Variants in TG observed in about 807,000 individuals in gnomAD.
The protein encoded by TG is thyroid hormones.
TG carries 270 observed loss-of-function variants against 324.7 expected under a neutral mutation model. The ratio of observed to expected loss-of-function variants is 0.83; its 90% CI spans 0.75 to 0.92. TG has a LOEUF of 0.92. Ranked by LOEUF, TG falls within the 40% of genes least tolerant of loss-of-function variation. The pLI is 0.00. For missense variants in TG, 3,591 were observed against 3,456.4 expected, an observed-to-expected ratio of 1.04 and a Z score of -0.98; for synonymous variants, 1,401 against 1,327.0, an observed-to-expected ratio of 1.06 and a Z score of -1.21.
chr8:132,908,375 G>A (rs1818990867), intron 18 of TG, 35 bp downstream of exon 18: 1 of 1,512,946 alleles, frequency 6.6e-7, no homozygotes, highest in Admixed American at 2.1e-5. Context: ...TGAGGGCTTG[G>A]ACTCAACTCA....
At chr8:132,924,586 A>T (rs747550609) in intron 22 of TG, among the ~76,000 whole-genome samples, 1 of 152,206 alleles carries the variant, frequency 6.6e-6, no homozygotes, top group Non-Finnish European at 1.5e-5. Flanking sequence ...GAGATACTGG[A>T]TGGGAAAGTC....
chr8:132,913,334 ACTG>A, intron 20 of TG, 69 bp downstream of exon 20: 1 of 1,499,600 alleles, frequency 6.7e-7, no homozygotes, highest in South Asian at 1.1e-5. Context: ...CCACCTCAGC[ACTG>A]GAGAGAGGCT....
intron 34 of TG, among the ~76,000 whole-genome samples, chr8:132,976,988 C>G (rs1324374977): frequency 6.6e-6 from 1 of 152,130 alleles, no homozygotes; most frequent in African/African-American, 2.4e-5. Context: ...CACAGGTGGG[C>G]CATGTGGACC....
At chr8:132,907,348 A>T (rs927872955) in intron 17 of TG, among the ~76,000 whole-genome samples, 1 of 152,126 alleles carries the variant, frequency 6.6e-6, no homozygotes, top group Admixed American at 6.5e-5. Flanking sequence ...TGCCTGGCTT[A>T]GCAGGAGGCC....
chr8:132,977,258 T>C (rs891919532), intron 34 of TG, among the ~76,000 whole-genome samples: 16 of 152,156 alleles, frequency 1.1e-4, no homozygotes, highest in African/African-American at 3.4e-4. Context: ...GACAGGAATC[T>C]CTGGGCCTGA....
At chr8:133,041,784 GTTTTTTTTT>G (rs529937626) in intron 41 of TG, among the ~76,000 whole-genome samples, 1 of 124,420 alleles carries the variant, frequency 8.0e-6, no homozygotes, top group Non-Finnish European at 1.7e-5. Flanking sequence ...CTTGTGGTCA[GTTTTTTTTT>G]TTTTTTTTTT....
chr8:132,899,088 T>G lies in TG; in HGVS notation c.3330+178T>G. The G allele has an allele frequency of 6.0e-6, 4 of 663,858 alleles. No individual in the cohort carries two copies. The South Asian group carries it at 6.5e-5, about 11-fold the overall frequency. 41.1% of individuals were successfully genotyped at this position (663,858 alleles called of 1,614,324 possible). On this transcript the variant is annotated intron_variant, in intron 14 of 47. Coordinates refer to ENST00000220616, the MANE Select transcript of TG (RefSeq NM_003235.5). Reference sequence around the variant, plus strand: ...TGACCTTGGGCTATTTACTTACCTTTTCTGTGTCCCAGTTTGTTTTGTTTA... The same window carrying G: ...TGACCTTGGGCTATTTACTTACCTTGTCTGTGTCCCAGTTTGTTTTGTTTA...
intron 41 of TG, chr8:133,076,606 C>G (rs949348063): frequency 6.6e-6 from 1 of 152,116 alleles, no homozygotes; most frequent in African/African-American, 2.4e-5. Flanking sequence ...GAGCTTTAGA[C>G]TGATAGTCAG....
intron 8 of TG, chr8:132,883,274 G>A (rs914173980): frequency 1.1e-5 from 5 of 454,528 alleles, no homozygotes; most frequent in African/African-American, 5.9e-5. Flanking sequence ...TCCCATGTGC[G>A]GTGAGACAGG....
At chr8:133,071,801 G>A (rs999918550) in intron 41 of TG, among the ~76,000 whole-genome samples, 48 of 152,122 alleles carry the variant, frequency 3.2e-4, no homozygotes, top group African/African-American at 1.1e-3. Context: ...CACATACCAC[G>A]ATTTGTCCTT....
In TG at chr8:132,957,742, TACACAC is replaced by T. The variant is rs6150825; in HGVS notation, c.5402-3229_5402-3224del. On this transcript the variant is annotated intron_variant, in intron 27 of 47. Coordinates refer to ENST00000220616, the MANE Select transcript of TG (RefSeq NM_003235.5). ...ATTCCCCAGTGATTTCATGGTAAACTACACACACACACACACACACACACACACACA... is the reference window on the plus strand; with the variant it reads ...ATTCCCCAGTGATTTCATGGTAAACTACACACACACACACACACACACACA... Among the ~76,000 whole-genome samples the T allele has an allele frequency of 5.0e-3, 206 of 41,584 alleles. 1 individual carries two copies. Among genetic ancestry groups the T allele is most frequent in the Admixed American group, 0.035 (108 of 3,076 alleles). The allele number at this position is 41,584 out of a possible 152,430, so 27.3% of individuals were successfully genotyped here.
chr8:132,906,633 C>G (rs190137311), intron 16 of TG, 55 bp from the exon 17 acceptor site: 1 of 1,599,604 alleles, frequency 6.3e-7, no homozygotes, highest in East Asian at 2.2e-5. Context: ...CAGGCATGCT[C>G]AGTCGTCCCG....
At chr8:133,037,406 T>C (rs1837291329) in intron 41 of TG, 1 of 152,222 alleles carries the variant, frequency 6.6e-6, no homozygotes, top group Non-Finnish European at 1.5e-5. Context: ...GGTGAGTTAA[T>C]TCTTTAGACT....
At position 132,916,523 on chromosome 8, in the gene TG, G is replaced by A. The variant is rs1410927458; in HGVS notation, c.4379-2853G>A. On this transcript the variant is annotated intron_variant, in intron 20 of 47. Transcript: ENST00000220616. ...TTACAAGGCAGAGCACTGTCCTGTG[G>A]CAATAAAGCAGGATTCTCTGTGTCA... is the stretch of plus-strand genomic sequence containing the variant. 2.0e-5 allele frequency among the ~76,000 whole-genome samples: 3 copies of A among 152,352 alleles called. No homozygotes were observed. In the East Asian group the frequency reaches 5.8e-4, roughly 29 times the overall value.
At chr8:132,923,064 C>T (rs990495862) in intron 21 of TG, among the ~76,000 whole-genome samples, 1 of 152,092 alleles carries the variant, frequency 6.6e-6, no homozygotes. Context: ...TGTGTTGGAG[C>T]AAATGGTATC....
rs796691402 is a variant in TG at position 132,939,673 on chromosome 8, T to G, written c.5042-1678T>G. ...TATATAGTCTATGGGGTTTTTTTTT[T>G]TTGTTTGTTTGTTTGTTTTTTAAGA... On this transcript the variant is annotated intron_variant, in intron 25 of 47. Transcript: ENST00000220616. Among the ~76,000 whole-genome samples the G allele has an allele frequency of 1.5e-3, 65 of 43,930 alleles. 1 individual carries two copies. The highest frequency in any genetic ancestry group is 2.7e-3 in the African/African-American group (63 of 23,154). The allele number at this position is 43,930 out of a possible 152,430, so 28.8% of individuals were successfully genotyped here.
rs765909909 is a variant in TG, at chr8:133,113,616, G to T, written c.7754+13G>T. The T allele has an allele frequency of 1.6e-5, 26 of 1,612,502 alleles. No homozygotes were observed. The highest frequency in any genetic ancestry group is 2.0e-5 in the Non-Finnish European group (24 of 1,179,218). ...AGAATGCCACCCGGTAAGCTAAGCT[G>T]CAGGAGGGTGCAGATTCCTACTGCT... On this transcript the variant is annotated intron_variant, in intron 44 of 47. Coordinates refer to ENST00000220616, the MANE Select transcript of TG (RefSeq NM_003235.5).
chr8:132,981,947 G>A (rs892255578), intron 34 of TG, among the ~76,000 whole-genome samples: 2 of 152,136 alleles, frequency 1.3e-5, no homozygotes, highest in African/African-American at 2.4e-5. Context: ...GATGTGAGGC[G>A]ACCCACGCAA....
intron 41 of TG, among the ~76,000 whole-genome samples, chr8:133,089,054 C>T (rs1847071312): frequency 6.6e-6 from 1 of 152,220 alleles, no homozygotes; most frequent in Non-Finnish European, 1.5e-5. Context: ...TGGCACCTTC[C>T]AGGTGTGGGT....
Sources: allele counts gnomAD v4.1 joint callset (sites outside exome capture counted in the v4.1 genomes callset), GRCh38; gene constraint gnomAD v4.1.1; transcripts MANE v1.5; gene names NCBI Gene and HGNC (gene_info 2026-07-23, HGNC 2026-07-21).